Variants in MDGA2 observed in about 807,000 individuals in gnomAD.
The protein encoded by MDGA2 is MAM domain-containing glycosylphosphatidylinositol anchor protein 2.
MDGA2 carries 40 observed loss-of-function variants against 117.8 expected under a neutral mutation model. The observed-to-expected ratio is 0.34, with a 90% CI of 0.26 to 0.44. MDGA2 has a LOEUF of 0.44. Ranked by LOEUF, MDGA2 falls within the 20% of genes least tolerant of loss-of-function variation. MDGA2 has a pLI of 1.00. For missense variants in MDGA2, 1,123 were observed against 1,250.6 expected (o/e 0.90, Z 1.54); for synonymous variants, 452 against 439.0 (o/e 1.03, Z -0.37).
At chr14:47,306,711 G>C (rs1045994448) in intron 1 of MDGA2, among the ~76,000 whole-genome samples, 3 of 152,096 alleles carry the variant, frequency 2.0e-5, no homozygotes, top group African/African-American at 7.2e-5. Context: ...TGGAGAGAAG[G>C]ATGTTCACTG....
At chr14:47,053,292 A>G (rs921087932) in intron 7 of MDGA2, among the ~76,000 whole-genome samples, 19 of 151,788 alleles carry the variant, frequency 1.3e-4, no homozygotes, top group African/African-American at 4.4e-4. Context: ...TCAAATTAAT[A>G]CAATTACTTG....
At chr14:47,145,811 T>C (rs1448766289) in intron 3 of MDGA2, among the ~76,000 whole-genome samples, 3 of 152,152 alleles carry the variant, frequency 2.0e-5, no homozygotes, top group Non-Finnish European at 4.4e-5. Context: ...TTAATAAAAG[T>C]TGGCTATTAC....
At chr14:47,553,772 T>C (rs1454037836) in intron 1 of MDGA2, among the ~76,000 whole-genome samples, 2 of 152,126 alleles carry the variant, frequency 1.3e-5, no homozygotes, top group Non-Finnish European at 2.9e-5. Context: ...TAAAAGTATA[T>C]ATGTTGTCTT....
intron 8 of MDGA2, among the ~76,000 whole-genome samples, chr14:46,980,437 C>T (rs1886626857): frequency 6.6e-6 from 1 of 152,068 alleles, no homozygotes; most frequent in Non-Finnish European, 1.5e-5. Flanking sequence ...AGTGAAGATG[C>T]CGTGAACATT....
chr14:46,988,997 G>A (rs1283991287), intron 8 of MDGA2, among the ~76,000 whole-genome samples: 1 of 152,022 alleles, frequency 6.6e-6, no homozygotes, highest in Non-Finnish European at 1.5e-5. Context: ...CATGGCATAA[G>A]CTCAAATTTG....
chr14:47,222,156 C>T (rs866600648), intron 2 of MDGA2, among the ~76,000 whole-genome samples: 3 of 151,676 alleles, frequency 2.0e-5, no homozygotes, highest in Non-Finnish European at 4.4e-5. Context: ...AACAAGCTTG[C>T]GTACAGTTAA....
At chr14:47,528,559 A>C (rs1400313615) in intron 1 of MDGA2, among the ~76,000 whole-genome samples, 1 of 152,356 alleles carries the variant, frequency 6.6e-6, no homozygotes, top group Non-Finnish European at 1.5e-5. Context: ...AGATTTGCAA[A>C]TAAGACTAGA....
At chr14:47,005,526 ATT>A (rs1180440308) in intron 8 of MDGA2, among the ~76,000 whole-genome samples, 1 of 151,538 alleles carries the variant, frequency 6.6e-6, no homozygotes, top group Non-Finnish European at 1.5e-5. Flanking sequence ...TTTGTTTAGA[ATT>A]TTCATGTCCA....
chr14:47,441,722 A>G (rs1893015576), intron 1 of MDGA2, among the ~76,000 whole-genome samples: 1 of 152,174 alleles, frequency 6.6e-6, no homozygotes, highest in South Asian at 2.1e-4. Flanking sequence ...TATACTTGGT[A>G]GATAAACTAC....
At chr14:46,983,249 T>C (rs113371843) in intron 8 of MDGA2, among the ~76,000 whole-genome samples, 2,754 of 152,300 alleles carry the variant, frequency 0.018, 34 homozygotes, top group Non-Finnish European at 0.027. Context: ...AAACTGTTTT[T>C]GGCAAATAAT....
At chr14:46,925,968 T>C (rs1183644145) in intron 9 of MDGA2, among the ~76,000 whole-genome samples, 1 of 152,210 alleles carries the variant, frequency 6.6e-6, no homozygotes, top group African/African-American at 2.4e-5. Flanking sequence ...TAACATTCAG[T>C]GCCCACCTTT....
chr14:46,876,968 T>A (rs184543491), intron 12 of MDGA2, among the ~76,000 whole-genome samples: 1 of 151,652 alleles, frequency 6.6e-6, no homozygotes, highest in East Asian at 1.9e-4. Context: ...ATAAAAACTT[T>A]CCAGAAGTCC....
chr14:47,186,688 C>T (rs975533396), intron 3 of MDGA2, among the ~76,000 whole-genome samples: 3 of 151,874 alleles, frequency 2.0e-5, no homozygotes, highest in African/African-American at 7.2e-5. Context: ...CTAGCTCATG[C>T]TATTAACCAA....
At chr14:46,929,474 A>G (rs1884451020) in intron 9 of MDGA2, among the ~76,000 whole-genome samples, 1 of 150,172 alleles carries the variant, frequency 6.7e-6, no homozygotes, top group African/African-American at 2.4e-5. Context: ...AACTTTGCTA[A>G]TTATTCCTCA....
chr14:47,421,713 A>G (rs2138508168), intron 1 of MDGA2, among the ~76,000 whole-genome samples: 1 of 152,284 alleles, frequency 6.6e-6, no homozygotes, highest in East Asian at 1.9e-4. Context: ...CAAATTTAAA[A>G]GAAACCTCTC....
At chr14:47,476,259 T>C (rs1223619142) in intron 1 of MDGA2, among the ~76,000 whole-genome samples, 1 of 152,136 alleles carries the variant, frequency 6.6e-6, no homozygotes, top group Non-Finnish European at 1.5e-5. Context: ...GTCAAAAATA[T>C]TCGAGTGCAC....
chr14:46,848,640 C>T (rs1880937435), intron 15 of MDGA2, among the ~76,000 whole-genome samples: 1 of 144,280 alleles, frequency 6.9e-6, no homozygotes, highest in African/African-American at 2.5e-5. Flanking sequence ...TGGACCTAGG[C>T]TTGTGCTAAA....
chr14:47,057,371 T>C (rs755856184), intron 7 of MDGA2, among the ~76,000 whole-genome samples: 42 of 151,950 alleles, frequency 2.8e-4, no homozygotes, highest in Admixed American at 1.4e-3. Context: ...GATTGTAAGC[T>C]CCTTAAGGGC....
intron 1 of MDGA2, among the ~76,000 whole-genome samples, chr14:47,338,617 T>A (rs1204759980): frequency 6.6e-6 from 1 of 152,048 alleles, no homozygotes; most frequent in Non-Finnish European, 1.5e-5. Flanking sequence ...GTGGTAGCCA[T>A]TTTAGTCAAT....
Sources: allele counts gnomAD v4.1 joint callset (sites outside exome capture counted in the v4.1 genomes callset), GRCh38; gene constraint gnomAD v4.1.1; transcripts MANE v1.5; gene names NCBI Gene and HGNC (gene_info 2026-07-23, HGNC 2026-07-21).